The following CTSB variants were observed in gnomAD, a reference collection of about 807,000 sequenced individuals.
The protein encoded by CTSB is APP secretase.
CTSB carries 57 observed loss-of-function variants against 44.3 expected under a neutral mutation model. The ratio of observed to expected loss-of-function variants is 1.29; its 90% CI spans 1.04 to 1.60. The LOEUF (loss-of-function observed/expected upper bound fraction) is 1.60. CTSB is among the 40% of genes most tolerant of loss of function. The probability of loss-of-function intolerance (pLI) is 0.00; values close to 1 mark genes in which losing one functional copy is unlikely to be tolerated. For missense variants in CTSB, 768 were observed against 443.0 expected, an observed-to-expected ratio of 1.73 and a Z score of -6.59; for synonymous variants, 320 against 168.0, an observed-to-expected ratio of 1.91 and a Z score of -7.00.
chr8:11,853,588 G>A (rs1163434251), intron 1 of CTSB, 109 bp from the exon 2 acceptor site: 1 of 1,131,504 alleles, frequency 8.8e-7, no homozygotes, highest in Non-Finnish European at 1.2e-6. Flanking sequence ...GCTCGTCCTG[G>A]CCCAGGCGGA....
At chr8:11,847,516 G>T (rs1026063340) in intron 7 of CTSB, among the ~76,000 whole-genome samples, 163 bp downstream of exon 7, 2 of 152,192 alleles carry the variant, frequency 1.3e-5, no homozygotes, top group Non-Finnish European at 2.9e-5. Context: ...AAAGTGGAGA[G>T]TGTGCTGCTT....
intron 4 of CTSB, 158 bp downstream of exon 4, chr8:11,850,708 C>A: frequency 1.8e-6 from 1 of 547,098 alleles, no homozygotes; most frequent in Admixed American, 3.0e-5. Flanking sequence ...TCATTCATGG[C>A]CAGAGGGATT....
chr8:11,855,739 C>T (rs1242301515), intron 1 of CTSB, among the ~76,000 whole-genome samples: 1 of 152,042 alleles, frequency 6.6e-6, no homozygotes, highest in Non-Finnish European at 1.5e-5. Flanking sequence ...ATAAGTTCAA[C>T]CGGCATGGTG....
chr8:11,851,886 C>T (rs1373134589), intron 3 of CTSB, among the ~76,000 whole-genome samples: 2 of 151,588 alleles, frequency 1.3e-5, no homozygotes, highest in Non-Finnish European at 2.9e-5. Flanking sequence ...AGACTGGTCT[C>T]GAACTCCTGA....
chr8:11,849,491 G>A (rs1467385365), intron 4 of CTSB: 5 of 197,780 alleles, frequency 2.5e-5, no homozygotes, highest in African/African-American at 9.1e-5. Context: ...TAAAGCAAGA[G>A]AAGCACCCCC....
chr8:11,849,288 G>A (rs1049328528), intron 4 of CTSB, 124 bp from the exon 5 acceptor site: 1 of 650,852 alleles, frequency 1.5e-6, no homozygotes, highest in Non-Finnish European at 2.7e-6. Context: ...AACACCAGGG[G>A]ACGCTCCTGG....
chr8:11,851,393 T>G (rs1196254334), intron 3 of CTSB, among the ~76,000 whole-genome samples: 1 of 152,050 alleles, frequency 6.6e-6, no homozygotes, highest in Non-Finnish European at 1.5e-5. Context: ...TTTCACCATG[T>G]TGGCCAGGCT....
intron 1 of CTSB, among the ~76,000 whole-genome samples, chr8:11,860,789 CTTTG>C (rs1161780207): frequency 9.8e-5 from 15 of 152,328 alleles, no homozygotes; most frequent in African/African-American, 3.6e-4. Flanking sequence ...TCCCAGAGTA[CTTTG>C]TTTCTTTCTC....
chr8:11,852,197 C>G (rs1054373867), intron 3 of CTSB, among the ~76,000 whole-genome samples: 6 of 152,082 alleles, frequency 3.9e-5, no homozygotes, highest in African/African-American at 1.2e-4. Flanking sequence ...ATGGCGAAAC[C>G]CAGTCTCTAC....
intron 7 of CTSB, 24 bp from the exon 8 acceptor site, chr8:11,847,192 G>T (rs201239753): frequency 6.7e-7 from 1 of 1,500,796 alleles, no homozygotes; most frequent in Non-Finnish European, 9.3e-7. Context: ...CGAGCTCGGG[G>T]TTGGGGAGGG....
At chr8:11,866,016 CAA>C (rs796618698) in intron 1 of CTSB, among the ~76,000 whole-genome samples, 4,775 of 81,298 alleles carry the variant, frequency 0.059, 249 homozygotes, top group African/African-American at 0.17. Context: ...GAGTGTGTCT[CAA>C]AAAAAAAAAA....
intron 1 of CTSB, among the ~76,000 whole-genome samples, chr8:11,865,065 C>G (rs934374135): frequency 6.6e-6 from 1 of 152,178 alleles, no homozygotes. Context: ...CAGCCTGGGA[C>G]CAGACGTAGA....
In CTSB at chr8:11,849,163, G is replaced by A. The variant is rs149411885; in HGVS notation, c.329C>T (p.Ala110Val). Residue 110 changes from alanine (A) to valine (V), a missense_variant and splice_region_variant, in exon 5 of 10, where the codon GCC becomes GTC. By Grantham distance (64) the Ala-to-Val change is moderately conservative. Transcript: ENST00000353047. ...AGAGATGGCTTCCACAGCCCCGAAG[G>A]CCTGCAGGAACGAGCCCCACCGGGT... is the stretch of plus-strand genomic sequence containing the variant. ...RDQGSCGSCW[A>V]FGAVEAISDR... The A allele has an allele frequency of 2.5e-6, 4 of 1,611,638 alleles. No homozygotes were observed. The African/African-American group carries it at 5.3e-5, about 21-fold the overall frequency.
Position 11,845,176 on chromosome 8 carries a change from T to TG in CTSB, c.968dup (p.Glu324ArgfsTer33). On this transcript the variant is annotated frameshift_variant, in exon 10 of 10. Coordinates refer to ENST00000353047, the MANE Select transcript of CTSB (RefSeq NM_001908.5). LOFTEE classifies it high-confidence loss of function. Reference sequence around the variant, plus strand: ...TGCGTGGAATTCCAGCCACCACTTCTGATTCGATTCCACAGTGATCCTGTC... The same window carrying TG: ...TGCGTGGAATTCCAGCCACCACTTCTGGATTCGATTCCACAGTGATCCTGTC... 8 of 1,614,102 alleles carry TG rather than the reference T, an allele frequency of 5.0e-6. No individual in the cohort carries two copies. Among genetic ancestry groups the TG allele is most frequent in the Non-Finnish European group, 6.8e-6 (8 of 1,179,934 alleles).
chr8:11,844,965 T>G lies in CTSB; in HGVS notation c.*160A>C. On this transcript the variant is annotated 3_prime_UTR_variant, in exon 10 of 10. Coordinates refer to ENST00000353047, the MANE Select transcript of CTSB (RefSeq NM_001908.5). The stretch of plus-strand genomic sequence containing the variant: ...TCTGCACTGTAACCACAGGCTGGGA[T>G]GTAGCCAGGACTTGGTCTCCTTGGA... The G allele has an allele frequency of 1.6e-6, 1 of 617,142 alleles. No individual in the cohort carries two copies. The highest frequency in any genetic ancestry group is 2.9e-6 in the Non-Finnish European group (1 of 344,944). 38.2% of individuals were successfully genotyped at this position (617,142 alleles called of 1,614,324 possible).
rs115599693 is a variant in CTSB, at chr8:11,856,896, G to A, written c.-25-3417C>T. Among the ~76,000 whole-genome samples, 697 of 151,318 alleles carry A rather than the reference G, an allele frequency of 4.6e-3. 4 individuals carry two copies. Among genetic ancestry groups the A allele is most frequent in the African/African-American group, 0.016 (663 of 41,254 alleles). ...AGTATGTTCCTATTATTTCAGTTTT[G>A]TTTCTTCTAGGAAAAATAGTTGGCA... On this transcript the variant is annotated intron_variant, in intron 1 of 9. Transcript: ENST00000353047.
At chr8:11,862,114 G>T (rs1230077670) in intron 1 of CTSB, among the ~76,000 whole-genome samples, 2 of 152,082 alleles carry the variant, frequency 1.3e-5, no homozygotes, top group East Asian at 3.8e-4. Flanking sequence ...GGCTGAGGCA[G>T]GAGAATGGCG....
intron 1 of CTSB, among the ~76,000 whole-genome samples, chr8:11,860,484 G>T: frequency 6.6e-6 from 1 of 152,184 alleles, no homozygotes; most frequent in East Asian, 1.9e-4. Context: ...TTAGCCAGGC[G>T]TGGTGGTTGT....
chr8:11,847,953 CCT>C (rs1813756249), intron 6 of CTSB, 112 bp downstream of exon 6: 12 of 1,333,994 alleles, frequency 9.0e-6, no homozygotes, highest in Non-Finnish European at 1.1e-5. Context: ...CTGGCTAGCA[CCT>C]CTCAGCAGCC....
Sources: allele counts gnomAD v4.1 joint callset (sites outside exome capture counted in the v4.1 genomes callset), GRCh38; gene constraint gnomAD v4.1.1; transcripts MANE v1.5; gene names NCBI Gene and HGNC (gene_info 2026-07-23, HGNC 2026-07-21).